Variants in MCCC1 observed in about 807,000 individuals in gnomAD.
MCCC1 encodes methylcrotonyl-CoA carboxylase subunit 1.
MCCC1 carries 64 observed loss-of-function variants against 83.8 expected under a neutral mutation model. That is an observed-to-expected ratio of 0.76 (90% CI 0.62 to 0.94). The LOEUF is 0.94. Ranked by LOEUF, MCCC1 falls within the 40% of genes least tolerant of loss-of-function variation. MCCC1 has a pLI of 0.00. For synonymous variants in MCCC1, 322 were observed against 315.4 expected (o/e 1.02, Z -0.22); for missense variants, 807 against 904.7 (o/e 0.89, Z 1.39).
chr3:183,065,575 TG>T (rs1262840325), intron 7 of MCCC1, among the ~76,000 whole-genome samples: 1 of 152,222 alleles, frequency 6.6e-6, no homozygotes, highest in Non-Finnish European at 1.5e-5. Context: ...TGTTTTGTTT[TG>T]TTTTGTTTTT....
upstream of MCCC1, among the ~76,000 whole-genome samples, chr3:183,101,879 C>T (rs542463223): frequency 6.6e-6 from 1 of 152,026 alleles, no homozygotes; most frequent in Non-Finnish European, 1.5e-5. Context: ...CGAACAACTC[C>T]GGACACGCTG....
intron 1 of MCCC1, among the ~76,000 whole-genome samples, chr3:183,098,209 G>A (rs994772670): frequency 6.6e-6 from 1 of 152,228 alleles, no homozygotes; most frequent in African/African-American, 2.4e-5. Context: ...GATTACAGGC[G>A]TGAGCTACCG....
chr3:183,071,232 G>C lies in MCCC1; in HGVS notation c.617C>G (p.Ala206Gly), dbSNP rs144512424. The C allele has an allele frequency of 1.2e-6, 2 of 1,614,182 alleles. No individual in the cohort carries two copies. Among genetic ancestry groups the C allele is most frequent in the East Asian group, 4.5e-5 (2 of 44,882 alleles). ...RRIGYPVMIKAVRGGGGKGMR... is the reference protein window; with the variant it reads ...RRIGYPVMIKGVRGGGGKGMR... ...TACTTTTCCTCCTCCACCCCGGACG[G>C]CTTTAATCATGACAGGATAGCCAAT... is the stretch of plus-strand genomic sequence containing the variant. The change falls in exon 6 of 19, where the codon GCC becomes GGC. Residue 206 changes from alanine (A) to glycine (G), a missense_variant. Physicochemically the swap from Ala to Gly is moderately conservative, Grantham distance 60. Transcript: ENST00000265594.
At chr3:183,066,029 G>A (rs1023266915) in intron 7 of MCCC1, among the ~76,000 whole-genome samples, 3 of 152,150 alleles carry the variant, frequency 2.0e-5, no homozygotes, top group African/African-American at 4.8e-5. Flanking sequence ...CATACAGGAA[G>A]CAGTGTCAAA....
intron 12 of MCCC1, among the ~76,000 whole-genome samples, 155 bp from the exon 13 acceptor site, chr3:183,037,589 T>G (rs999658309): frequency 1.3e-5 from 2 of 152,066 alleles, no homozygotes; most frequent in Non-Finnish European, 2.9e-5. Context: ...AGGACAATTC[T>G]CAGGAAAAAA....
chr3:183,059,509 A>C (rs754859553), intron 7 of MCCC1, among the ~76,000 whole-genome samples: 3 of 152,332 alleles, frequency 2.0e-5, no homozygotes, highest in Admixed American at 2.0e-4. Flanking sequence ...TATTTTAAAC[A>C]AACTGTTATC....
intron 1 of MCCC1, among the ~76,000 whole-genome samples, chr3:183,109,985 G>A (rs1326694671): frequency 6.6e-6 from 1 of 152,024 alleles, no homozygotes; most frequent in Non-Finnish European, 1.5e-5. Flanking sequence ...ATTTTGATTT[G>A]TATTTCTCTA....
chr3:183,097,217 G>A (rs965525982), intron 1 of MCCC1, among the ~76,000 whole-genome samples: 4 of 151,942 alleles, frequency 2.6e-5, no homozygotes, highest in East Asian at 1.9e-4. Context: ...TCCGCAGTCC[G>A]GCCTGGGCGA....
chr3:183,071,869 A>ATTT (rs377212072), intron 5 of MCCC1, among the ~76,000 whole-genome samples: 26,923 of 132,622 alleles, frequency 0.2, 3,553 homozygotes, highest in East Asian at 0.38. Context: ...ACCCAGCTGA[A>ATTT]TTTTTTTTTT....
At chr3:183,015,911 G>A (rs373432122) in intron 18 of MCCC1, among the ~76,000 whole-genome samples, 1 of 135,534 alleles carries the variant, frequency 7.4e-6, no homozygotes, top group Non-Finnish European at 1.6e-5. Flanking sequence ...GCTTGCTTTT[G>A]TTTTTTTTTT....
chr3:183,041,025 G>A (rs1333668913), intron 11 of MCCC1, among the ~76,000 whole-genome samples: 1 of 152,122 alleles, frequency 6.6e-6, no homozygotes, highest in Non-Finnish European at 1.5e-5. Context: ...TACTTCTCAT[G>A]GTGAAAGGAA....
chr3:183,062,811 TAG>T (rs2108512994), intron 7 of MCCC1, among the ~76,000 whole-genome samples: 1 of 152,302 alleles, frequency 6.6e-6, no homozygotes, highest in South Asian at 2.1e-4. Flanking sequence ...TTATCTAACT[TAG>T]AGTTTCTGGA....
At chr3:183,094,981 A>G (rs1241617213) in intron 1 of MCCC1, among the ~76,000 whole-genome samples, 2 of 152,162 alleles carry the variant, frequency 1.3e-5, no homozygotes, top group Non-Finnish European at 2.9e-5. Context: ...ATGTTTTGTT[A>G]AAAATGACTC....
At chr3:183,047,843 C>T (rs1386271911) in intron 9 of MCCC1, among the ~76,000 whole-genome samples, 2 of 152,000 alleles carry the variant, frequency 1.3e-5, no homozygotes, top group Non-Finnish European at 2.9e-5. Flanking sequence ...TGCAAGACAA[C>T]TACAAAAGGT....
intron 17 of MCCC1, among the ~76,000 whole-genome samples, chr3:183,019,746 G>T (rs549316877): frequency 6.6e-6 from 1 of 152,124 alleles, no homozygotes; most frequent in Admixed American, 6.5e-5. Context: ...CATTAACGCA[G>T]ATGCAACTAC....
At chr3:183,079,000 G>A (rs578056084) in intron 4 of MCCC1, among the ~76,000 whole-genome samples, 11 of 152,232 alleles carry the variant, frequency 7.2e-5, no homozygotes, top group African/African-American at 2.4e-4. Context: ...TGAGAACAGC[G>A]CAGGAAAGAC....
In MCCC1 at chr3:183,052,624, C is replaced by T. The variant is rs143954127; in HGVS notation, c.874-384G>A. On this transcript the variant is annotated intron_variant, in intron 8 of 18. Coordinates refer to ENST00000265594, the MANE Select transcript of MCCC1 (RefSeq NM_020166.5). ...GAGATTGAGACCATCCTGGCTAACACGGTGAAACCCTGTCTCTACTAAAAA... is the reference window on the plus strand; with the variant it reads ...GAGATTGAGACCATCCTGGCTAACATGGTGAAACCCTGTCTCTACTAAAAA... Among the ~76,000 whole-genome samples the T allele has an allele frequency of 4.4e-3, 662 of 151,844 alleles. 4 individuals are homozygous for T. The highest frequency in any genetic ancestry group is 0.015 in the African/African-American group (633 of 41,416).
In MCCC1 at chr3:183,064,678, C is replaced by A. The variant is rs1209055867; in HGVS notation, c.761+6321G>T. On this transcript the variant is annotated intron_variant, in intron 7 of 18. Coordinates refer to ENST00000265594, the MANE Select transcript of MCCC1 (RefSeq NM_020166.5). This position sits in a 1 kb window ranked among gnomAD's most constrained non-coding sequence, Gnocchi z 4.5. ...CCGGCGGCCACACTGCCTCGGCCGA[C>A]CCACGTCCTGGCATGGCTGCTGGGC... Among the ~76,000 whole-genome samples the A allele has an allele frequency of 3.3e-5, 5 of 152,346 alleles. No homozygotes were observed. The South Asian group carries it at 1.0e-3, about 32-fold the overall frequency.
At chr3:183,054,038 C>T (rs1257171497) in intron 8 of MCCC1, among the ~76,000 whole-genome samples, 10 of 142,246 alleles carry the variant, frequency 7.0e-5, no homozygotes, top group African/African-American at 2.6e-4. Context: ...CCTGCCACCA[C>T]ATCCAGATAA....
Sources: gnomAD v4.1 joint callset for allele counts (sites outside exome capture counted in the v4.1 genomes callset) on GRCh38, gnomAD v4.1.1 for gene constraint, Gnocchi (gnomAD v3.1) non-coding constraint, MANE v1.5 for transcripts, NCBI Gene and HGNC (gene_info 2026-07-23, HGNC 2026-07-21) for gene names.